Variants in RABGAP1L observed in about 807,000 individuals in gnomAD.
The protein encoded by RABGAP1L is RAB GTPase activating protein 1 like, also known as rab GTPase-activating protein 1-like.
A neutral mutation model predicts 137.7 loss-of-function variants in RABGAP1L; 63 were observed. The ratio of observed to expected loss-of-function variants is 0.46; its 90% CI spans 0.37 to 0.56. The LOEUF (loss-of-function observed/expected upper bound fraction) is 0.56, where lower values mean the gene tolerates loss of function less well. Among genes scored for constraint, RABGAP1L ranks in the 20% least tolerant of loss-of-function variants. The pLI, the probability that RABGAP1L is intolerant of heterozygous loss-of-function variation, is 0.00. For missense variants in RABGAP1L, 1,095 were observed against 1,244.0 expected, an observed-to-expected ratio of 0.88 and a Z score of 1.80; for synonymous variants, 431 against 433.7, an observed-to-expected ratio of 0.99 and a Z score of 0.08.
chr1:174,423,900 C>T (rs1425381049), intron 13 of RABGAP1L, among the ~76,000 whole-genome samples: 1 of 152,012 alleles, frequency 6.6e-6, no homozygotes, highest in African/African-American at 2.4e-5. Flanking sequence ...ACCAAACTTT[C>T]TCTGTTTTTA....
chr1:174,354,744 G>A (rs1009590173), intron 11 of RABGAP1L, among the ~76,000 whole-genome samples: 10 of 152,164 alleles, frequency 6.6e-5, no homozygotes, highest in African/African-American at 2.4e-4. Flanking sequence ...CCATGCCTAT[G>A]TCCTGAATGG....
intron 11 of RABGAP1L, among the ~76,000 whole-genome samples, chr1:174,337,330 C>T (rs1430042568): frequency 6.6e-6 from 1 of 151,952 alleles, no homozygotes; most frequent in African/African-American, 2.4e-5. Flanking sequence ...CAGAAAATCT[C>T]AGGGAAGAGT....
At chr1:174,973,983 T>TG (rs1670408401) in intron 21 of RABGAP1L, among the ~76,000 whole-genome samples, 5 of 66,358 alleles carry the variant, frequency 7.5e-5, no homozygotes, top group Admixed American at 1.6e-4. Context: ...TTTTTTGTTT[T>TG]TTTTTTTTTT....
intron 13 of RABGAP1L, among the ~76,000 whole-genome samples, chr1:174,534,283 T>G (rs1440952922): frequency 6.6e-6 from 1 of 151,794 alleles, no homozygotes; most frequent in Non-Finnish European, 1.5e-5. Context: ...CTCAATAGTT[T>G]AAAAACAAAA....
chr1:174,513,183 G>A (rs192167919), intron 13 of RABGAP1L, among the ~76,000 whole-genome samples: 84 of 152,036 alleles, frequency 5.5e-4, no homozygotes, highest in Admixed American at 2.2e-3. Flanking sequence ...ATATTTTCCC[G>A]TGCTTTTAAA....
At chr1:174,286,852 T>C (rs775039754) in intron 10 of RABGAP1L, among the ~76,000 whole-genome samples, 2 of 152,148 alleles carry the variant, frequency 1.3e-5, no homozygotes, top group African/African-American at 4.8e-5. Context: ...TTTCCATTTT[T>C]CCCTCTGTTT....
At chr1:174,821,051 A>G (rs1690974537) in intron 19 of RABGAP1L, among the ~76,000 whole-genome samples, 1 of 151,672 alleles carries the variant, frequency 6.6e-6, no homozygotes, top group Admixed American at 6.6e-5. Context: ...CCCTGTGCTC[A>G]TAATTTCCAG....
At chr1:174,978,297 G>A (rs2149381377) in intron 22 of RABGAP1L, among the ~76,000 whole-genome samples, 1 of 152,164 alleles carries the variant, frequency 6.6e-6, no homozygotes, top group South Asian at 2.1e-4. Context: ...TGAATCTCCT[G>A]TCCTTCTCAA....
In RABGAP1L at chr1:174,807,948, A is replaced by ACAAC. The variant is rs1553255683; in HGVS notation, c.2212-3884_2212-3883insCAAC. On this transcript the variant is annotated intron_variant, in intron 18 of 25. Transcript: ENST00000681986. ...CCCCATCTCTACCAAAAACAAAACAAAACAACAACAACAACAACAACAACA... is the reference window on the plus strand; with the variant it reads ...CCCCATCTCTACCAAAAACAAAACAACAACAACAACAACAACAACAACAACAACA... 9.2e-5 allele frequency among the ~76,000 whole-genome samples: 13 copies of ACAAC among 141,118 alleles called. No homozygotes were observed. The South Asian group carries it at 2.9e-3, about 32-fold the overall frequency. 92.6% of individuals were successfully genotyped at this position (141,118 alleles called of 152,430 possible). A position where few individuals can be genotyped will look rare whatever the true frequency, so the allele number is the denominator to read the frequency against.
At chr1:174,930,169 C>T (rs1312850660) in intron 19 of RABGAP1L, among the ~76,000 whole-genome samples, 1 of 151,788 alleles carries the variant, frequency 6.6e-6, no homozygotes, top group Non-Finnish European at 1.5e-5. Flanking sequence ...ATTTCTTTAA[C>T]TCCTTTAAAA....
At chr1:174,652,995 C>T (rs1191264850) in intron 14 of RABGAP1L, among the ~76,000 whole-genome samples, 1 of 152,150 alleles carries the variant, frequency 6.6e-6, no homozygotes, top group African/African-American at 2.4e-5. Context: ...GAAGCCCTGC[C>T]TAGAGAGGAG....
At chr1:174,361,117 A>G (rs1311385505) in intron 11 of RABGAP1L, among the ~76,000 whole-genome samples, 1 of 151,950 alleles carries the variant, frequency 6.6e-6, no homozygotes, top group Non-Finnish European at 1.5e-5. Flanking sequence ...AGATGGCACC[A>G]TTGCACACAT....
chr1:174,831,110 G>A (rs767029314), intron 19 of RABGAP1L, among the ~76,000 whole-genome samples: 1 of 147,394 alleles, frequency 6.8e-6, no homozygotes, highest in Non-Finnish European at 1.5e-5. Flanking sequence ...GGTATCTTTT[G>A]GTTGTGCTGG....
intron 13 of RABGAP1L, among the ~76,000 whole-genome samples, chr1:174,411,014 T>C (rs760926727): frequency 1.3e-5 from 2 of 152,100 alleles, no homozygotes; most frequent in South Asian, 2.1e-4. Context: ...AATTGTGGGA[T>C]TGTGTTCTTG....
At chr1:174,269,452 A>G (rs1056676189) in intron 7 of RABGAP1L, among the ~76,000 whole-genome samples, 3 of 152,360 alleles carry the variant, frequency 2.0e-5, no homozygotes, top group African/African-American at 7.2e-5. Context: ...CATGGGCATG[A>G]ATCCCGGTCG....
intron 13 of RABGAP1L, among the ~76,000 whole-genome samples, chr1:174,474,367 A>T (rs1470011594): frequency 6.6e-6 from 1 of 152,198 alleles, no homozygotes; most frequent in Non-Finnish European, 1.5e-5. Context: ...TGGTTAACCA[A>T]AGAGAATTCC....
chr1:174,188,082 G>GTATA (rs2148325163), intron 1 of RABGAP1L, among the ~76,000 whole-genome samples: 1 of 152,216 alleles, frequency 6.6e-6, no homozygotes, highest in South Asian at 2.1e-4. Flanking sequence ...ATATAGCAGG[G>GTATA]TATACTTTAT....
At chr1:174,783,367 C>T (rs1470323236) in intron 18 of RABGAP1L, among the ~76,000 whole-genome samples, 4 of 152,064 alleles carry the variant, frequency 2.6e-5, no homozygotes, top group African/African-American at 9.7e-5. Context: ...AACCCCAGGC[C>T]GGAGAACAAA....
chr1:174,849,041 C>T (rs1647687861), intron 19 of RABGAP1L, among the ~76,000 whole-genome samples: 2 of 152,242 alleles, frequency 1.3e-5, no homozygotes, highest in South Asian at 4.1e-4. Flanking sequence ...AACTCCCTGA[C>T]CCCTTGCGCT....
Sources: gnomAD v4.1 joint callset for allele counts (sites outside exome capture counted in the v4.1 genomes callset) on GRCh38, gnomAD v4.1.1 for gene constraint, MANE v1.5 for transcripts, NCBI Gene and HGNC (gene_info 2026-07-23, HGNC 2026-07-21) for gene names.